SLC25A16: variants seen among roughly 807,000 people sequenced by gnomAD.
The protein encoded by SLC25A16 is mitochondrial coenzyme A transporter SLC25A16.
In SLC25A16, 39 loss-of-function variants were observed where a neutral mutation model predicts 41.5. The ratio of observed to expected loss-of-function variants is 0.94; its 90% CI spans 0.73 to 1.23. The LOEUF is 1.23. Ranked by LOEUF, SLC25A16 falls within the 50% of genes most tolerant of loss-of-function variation. The probability of loss-of-function intolerance (pLI) is 0.00; values close to 1 mark genes in which losing one functional copy is unlikely to be tolerated. For synonymous variants in SLC25A16, 146 were observed against 147.8 expected (o/e 0.99, Z 0.09); for missense variants, 421 against 426.9 (o/e 0.99, Z 0.12).
chr10:68,509,091 A>C (rs957624018), intron 2 of SLC25A16, among the ~76,000 whole-genome samples: 1 of 152,140 alleles, frequency 6.6e-6, no homozygotes, highest in African/African-American at 2.4e-5. Flanking sequence ...TATTCCTAGC[A>C]CTTTGGGAGG....
intron 2 of SLC25A16, among the ~76,000 whole-genome samples, chr10:68,509,679 G>A (rs1337336679): frequency 6.7e-6 from 1 of 148,490 alleles, no homozygotes; most frequent in East Asian, 1.9e-4. Flanking sequence ...CTCCAGCCTG[G>A]GTGACAGAAT....
At chr10:68,506,372 G>A (rs566877379) in intron 3 of SLC25A16, among the ~76,000 whole-genome samples, 1 of 152,028 alleles carries the variant, frequency 6.6e-6, no homozygotes, top group East Asian at 1.9e-4. Flanking sequence ...TTGAACCCAG[G>A]AGGCGAGGTT....
At chr10:68,497,211 G>T (rs2052763171) in intron 4 of SLC25A16, among the ~76,000 whole-genome samples, 1 of 152,134 alleles carries the variant, frequency 6.6e-6, no homozygotes. Flanking sequence ...GCAGCATCCA[G>T]AGTCCATGTA....
intron 1 of SLC25A16, among the ~76,000 whole-genome samples, chr10:68,522,994 A>G (rs549407294): frequency 2.0e-5 from 3 of 152,100 alleles, no homozygotes; most frequent in Admixed American, 6.6e-5. Flanking sequence ...AAAAAAAATA[A>G]AAGTGGAAAT....
intron 8 of SLC25A16, among the ~76,000 whole-genome samples, chr10:68,483,966 T>C (rs926789087): frequency 1.3e-5 from 2 of 152,136 alleles, no homozygotes. Context: ...GCTCGGCCCA[T>C]AATATTAATT....
At chr10:68,507,119 C>A (rs2052970711) in intron 2 of SLC25A16, among the ~76,000 whole-genome samples, 1 of 143,792 alleles carries the variant, frequency 7.0e-6, no homozygotes. Context: ...GTTGCCCCAG[C>A]TGGAGTGCAG....
chr10:68,525,147 ATTTTGT>A (rs1399220251), intron 1 of SLC25A16, among the ~76,000 whole-genome samples: 5 of 151,516 alleles, frequency 3.3e-5, no homozygotes, highest in Non-Finnish European at 7.4e-5. Flanking sequence ...GTTTTATTTT[ATTTTGT>A]TTTTGAGATG....
chr10:68,524,845 C>G (rs1170901033), intron 1 of SLC25A16, among the ~76,000 whole-genome samples: 1 of 151,746 alleles, frequency 6.6e-6, no homozygotes, highest in African/African-American at 2.4e-5. Flanking sequence ...CCGCTGCACT[C>G]CAGCCTGGCC....
intron 2 of SLC25A16, among the ~76,000 whole-genome samples, chr10:68,509,776 G>T (rs1336659159): frequency 2.7e-5 from 4 of 147,016 alleles, no homozygotes; most frequent in African/African-American, 1.0e-4. Flanking sequence ...TAGATAGATA[G>T]ATATATAGAT....
intron 8 of SLC25A16, 57 bp downstream of exon 8, chr10:68,487,087 C>T (rs902947126): frequency 1.5e-6 from 2 of 1,333,454 alleles, no homozygotes; most frequent in Non-Finnish European, 2.1e-6. Flanking sequence ...TATCTCCTTA[C>T]TGAGTTTAAT....
chr10:68,512,646 A>C lies in SLC25A16; in HGVS notation c.223+4105T>G. ...AGAGCGAGACTCCGTCTCAAAAAAA[A>C]AAAAAAAAAAAAAAAAAAGATAAAT... is the stretch of plus-strand genomic sequence containing the variant. On this transcript the variant is annotated intron_variant, in intron 2 of 8. Transcript: ENST00000609923. Among the ~76,000 whole-genome samples, 3 of 89,818 alleles carry C rather than the reference A, an allele frequency of 3.3e-5. 1 individual carries two copies. Among genetic ancestry groups the C allele is most frequent in the African/African-American group, 1.6e-4 (3 of 19,150 alleles). 58.9% of individuals were successfully genotyped at this position (89,818 alleles called of 152,430 possible). A position where few individuals can be genotyped will look rare whatever the true frequency, so the allele number is the denominator to read the frequency against.
At chr10:68,504,294 GGCTGAA>G (rs1469946765) in intron 3 of SLC25A16, among the ~76,000 whole-genome samples, 1 of 151,664 alleles carries the variant, frequency 6.6e-6, no homozygotes, top group African/African-American at 2.4e-5. Flanking sequence ...TGGGATTATA[GGCTGAA>G]GCCACCGCAC....
intron 1 of SLC25A16, among the ~76,000 whole-genome samples, chr10:68,526,515 G>C (rs1326563387): frequency 6.6e-6 from 1 of 152,042 alleles, no homozygotes; most frequent in Non-Finnish European, 1.5e-5. Flanking sequence ...GCTGAACGCT[G>C]GTTCCCCGGG....
At chr10:68,521,978 T>C (rs1322949548) in intron 1 of SLC25A16, among the ~76,000 whole-genome samples, 5 of 151,704 alleles carry the variant, frequency 3.3e-5, no homozygotes, top group Non-Finnish European at 5.9e-5. Context: ...CTGGCCAACA[T>C]AGTGAAACCC....
At chr10:68,510,179 T>A (rs1225716652) in intron 2 of SLC25A16, among the ~76,000 whole-genome samples, 1 of 152,126 alleles carries the variant, frequency 6.6e-6, no homozygotes, top group Admixed American at 6.6e-5. Flanking sequence ...GGAGTAGAAG[T>A]AATAGTTTTG....
intron 2 of SLC25A16, among the ~76,000 whole-genome samples, chr10:68,511,943 A>G (rs1244743889): frequency 3.3e-5 from 5 of 151,626 alleles, no homozygotes; most frequent in East Asian, 1.9e-4. Flanking sequence ...TGCAACCTCT[A>G]CCTCCTGGGT....
chr10:68,484,828 C>T (rs2052532787), intron 8 of SLC25A16, among the ~76,000 whole-genome samples: 2 of 152,076 alleles, frequency 1.3e-5, no homozygotes, highest in Admixed American at 1.3e-4. Context: ...GACAACATAT[C>T]ACCAATCAAA....
At chr10:68,510,402 T>C (rs1301638082) in intron 2 of SLC25A16, among the ~76,000 whole-genome samples, 3 of 147,090 alleles carry the variant, frequency 2.0e-5, no homozygotes, top group African/African-American at 7.5e-5. Context: ...ATTAGCCAGG[T>C]GTGGTGGCAA....
intron 4 of SLC25A16, among the ~76,000 whole-genome samples, chr10:68,495,408 CTG>C (rs2052733316): frequency 6.6e-6 from 1 of 151,296 alleles, no homozygotes; most frequent in Non-Finnish European, 1.5e-5. Flanking sequence ...CAGCCAGACT[CTG>C]TCTCAAAAAA....
Sources: allele counts gnomAD v4.1 joint callset (sites outside exome capture counted in the v4.1 genomes callset), GRCh38; gene constraint gnomAD v4.1.1; transcripts MANE v1.5; gene names NCBI Gene and HGNC (gene_info 2026-07-23, HGNC 2026-07-21).